The following ADCY8 variants were observed in gnomAD, a reference collection of about 807,000 sequenced individuals.
The protein encoded by ADCY8 is adenylate cyclase type 8.
A neutral mutation model predicts 119.7 loss-of-function variants in ADCY8; 51 were observed. That is an observed-to-expected ratio of 0.43 (90% CI 0.34 to 0.54). The LOEUF (loss-of-function observed/expected upper bound fraction) is 0.54. ADCY8 is among the 20% of genes least tolerant of loss of function. ADCY8 has a pLI of 0.03. For missense variants in ADCY8, 1,383 were observed against 1,598.8 expected, an observed-to-expected ratio of 0.87 and a Z score of 2.30; for synonymous variants, 665 against 651.0, an observed-to-expected ratio of 1.02 and a Z score of -0.33.
At chr8:130,890,316 G>T (rs142581731) in intron 7 of ADCY8, among the ~76,000 whole-genome samples, 1 of 152,106 alleles carries the variant, frequency 6.6e-6, no homozygotes, top group Non-Finnish European at 1.5e-5. Flanking sequence ...TAACCTGCAC[G>T]TTGTGCACAT....
At chr8:130,971,592 C>A (rs552830075) in intron 2 of ADCY8, among the ~76,000 whole-genome samples, 1 of 152,160 alleles carries the variant, frequency 6.6e-6, no homozygotes, top group Non-Finnish European at 1.5e-5. Context: ...GAGCTTCAGG[C>A]AAGTCAATAA....
chr8:131,002,117 A>G (rs1365151779), intron 1 of ADCY8, among the ~76,000 whole-genome samples: 5 of 152,264 alleles, frequency 3.3e-5, no homozygotes, highest in Non-Finnish European at 7.3e-5. Flanking sequence ...AACTTGGCTC[A>G]GTTAATCAAC....
At chr8:131,015,628 C>T (rs1563768653) in intron 1 of ADCY8, among the ~76,000 whole-genome samples, 1 of 152,228 alleles carries the variant, frequency 6.6e-6, no homozygotes, top group East Asian at 1.9e-4. Flanking sequence ...TAGCTTTATC[C>T]AGCTGTTACT....
At chr8:130,909,170 C>T (rs573681659) in intron 6 of ADCY8, among the ~76,000 whole-genome samples, 14 of 152,302 alleles carry the variant, frequency 9.2e-5, no homozygotes, top group African/African-American at 3.1e-4. Context: ...CTTTTCAAGA[C>T]TTACATTAGT....
At chr8:130,845,310 TC>T (rs1449678074) in intron 11 of ADCY8, among the ~76,000 whole-genome samples, 1 of 152,178 alleles carries the variant, frequency 6.6e-6, no homozygotes, top group Non-Finnish European at 1.5e-5. Flanking sequence ...CTGCTTCATG[TC>T]AGATGCCATG....
chr8:130,939,453 G>A (rs948920593), intron 4 of ADCY8, among the ~76,000 whole-genome samples: 1 of 152,150 alleles, frequency 6.6e-6, no homozygotes, highest in African/African-American at 2.4e-5. Flanking sequence ...TCTGCAAATG[G>A]TCTTTTGGGG....
At chr8:130,846,931 CCT>C (rs1817348518) in intron 11 of ADCY8, among the ~76,000 whole-genome samples, 7 of 134,986 alleles carry the variant, frequency 5.2e-5, no homozygotes, top group African/African-American at 1.9e-4. Flanking sequence ...TTCCTTCCTT[CCT>C]TCCTTCTCCT....
chr8:130,796,358 A>C (rs1016073080), intron 15 of ADCY8, among the ~76,000 whole-genome samples: 9 of 152,184 alleles, frequency 5.9e-5, no homozygotes, highest in Non-Finnish European at 1.5e-5. Context: ...AGGGCTCTTC[A>C]GCCCTTTATT....
intron 8 of ADCY8, among the ~76,000 whole-genome samples, chr8:130,880,917 C>A (rs541314057): frequency 6.6e-6 from 1 of 152,276 alleles, no homozygotes; most frequent in East Asian, 1.9e-4. Flanking sequence ...AGCTGTCCAA[C>A]GTCCTCATTT....
At chr8:130,890,637 A>G (rs1021709568) in intron 7 of ADCY8, among the ~76,000 whole-genome samples, 2 of 152,158 alleles carry the variant, frequency 1.3e-5, no homozygotes, top group African/African-American at 4.8e-5. Flanking sequence ...ACGCTTGTCA[A>G]TGTGAGGTTT....
chr8:130,960,644 A>G (rs1031213568), intron 2 of ADCY8, among the ~76,000 whole-genome samples: 8 of 152,128 alleles, frequency 5.3e-5, no homozygotes, highest in African/African-American at 2.4e-5. Flanking sequence ...TTGTCTTGCA[A>G]TAAAAACAGA....
intron 15 of ADCY8, among the ~76,000 whole-genome samples, chr8:130,797,046 G>A (rs919215932): frequency 6.6e-6 from 1 of 152,174 alleles, no homozygotes; most frequent in Non-Finnish European, 1.5e-5. Context: ...AGATGCAAAT[G>A]TAATTCAAAT....
In ADCY8 at chr8:130,849,701, G is replaced by C; in HGVS notation, c.2313C>G (p.Leu771=). Reference sequence around the variant, plus strand: ...CATTAATCCAACAGCAAGTTTTCCGGAGGATGAGGGGCAAACATTTATAAT... The same window carrying C: ...CATTAATCCAACAGCAAGTTTTCCGCAGGATGAGGGGCAAACATTTATAAT... The part of the protein sequence containing the change: ...AEDYKCLPLI[L]RKTCCWINET... Residue 771 remains leucine, a synonymous_variant, in exon 10 of 18, where the codon CTC becomes CTG. Transcript: ENST00000286355. 6.2e-7 allele frequency: 1 copy of C among 1,614,038 alleles called. No homozygotes were observed. Among genetic ancestry groups the C allele is most frequent in the Non-Finnish European group, 8.5e-7 (1 of 1,179,940 alleles).
At chr8:130,958,068 G>T (rs1198301841) in intron 2 of ADCY8, among the ~76,000 whole-genome samples, 2 of 152,160 alleles carry the variant, frequency 1.3e-5, no homozygotes, top group East Asian at 3.9e-4. Flanking sequence ...ACCCCAGAAT[G>T]GTAGATCTAC....
At chr8:130,872,301 A>G (rs1316730081) in intron 8 of ADCY8, among the ~76,000 whole-genome samples, 1 of 152,212 alleles carries the variant, frequency 6.6e-6, no homozygotes, top group East Asian at 1.9e-4. Context: ...CTTGTTTATA[A>G]TATCCTCACT....
intron 8 of ADCY8, among the ~76,000 whole-genome samples, chr8:130,882,158 A>C (rs1340835098): frequency 6.6e-6 from 1 of 151,124 alleles, no homozygotes; most frequent in Non-Finnish European, 1.5e-5. Flanking sequence ...GCTGCATAGA[A>C]AATACAGCAT....
At chr8:130,801,360 G>T (rs1815770929) in intron 14 of ADCY8, among the ~76,000 whole-genome samples, 2 of 151,892 alleles carry the variant, frequency 1.3e-5, no homozygotes, top group South Asian at 2.1e-4. Context: ...TCATAGACTT[G>T]CCTGTTATTC....
At chr8:130,831,249 T>C (rs1816825253) in intron 12 of ADCY8, among the ~76,000 whole-genome samples, 1 of 152,222 alleles carries the variant, frequency 6.6e-6, no homozygotes. Context: ...CACTCAATCA[T>C]TTAATATTTC....
At chr8:130,856,208 C>T (rs1310921454) in intron 9 of ADCY8, among the ~76,000 whole-genome samples, 4 of 151,910 alleles carry the variant, frequency 2.6e-5, no homozygotes, top group Non-Finnish European at 4.4e-5. Flanking sequence ...ACATCGAATC[C>T]CAGCTTACAC....
Sources: allele counts gnomAD v4.1 joint callset (sites outside exome capture counted in the v4.1 genomes callset), GRCh38; gene constraint gnomAD v4.1.1; transcripts MANE v1.5; gene names NCBI Gene and HGNC (gene_info 2026-07-23, HGNC 2026-07-21).